Variants in ABCA4 observed in about 807,000 individuals in gnomAD.
ABCA4 encodes the protein retinal-specific phospholipid-transporting ATPase ABCA4.
A neutral mutation model predicts 263.7 loss-of-function variants in ABCA4; 196 were observed. The ratio of observed to expected loss-of-function variants is 0.74; its 90% CI spans 0.66 to 0.84. ABCA4 has a LOEUF of 0.84. Among genes scored for constraint, ABCA4 ranks in the 40% least tolerant of loss-of-function variants. The probability of loss-of-function intolerance (pLI) is 0.00; values close to 1 mark genes in which losing one functional copy is unlikely to be tolerated. For synonymous variants in ABCA4, 1,133 were observed against 1,094.2 expected, an observed-to-expected ratio of 1.04 and a Z score of -0.70; for missense variants, 2,792 against 2,855.1, an observed-to-expected ratio of 0.98 and a Z score of 0.50.
chr1:94,077,382 G>C (rs189856812), intron 11 of ABCA4, among the ~76,000 whole-genome samples: 6 of 152,266 alleles, frequency 3.9e-5, no homozygotes, highest in Admixed American at 6.5e-5. Flanking sequence ...GCCATAGATG[G>C]CCACTCAAGC....
intron 11 of ABCA4, among the ~76,000 whole-genome samples, chr1:94,063,708 G>C (rs764178847): frequency 6.6e-6 from 1 of 151,606 alleles, no homozygotes; most frequent in African/African-American, 2.4e-5. Context: ...AAAGCCTGAC[G>C]ATTAAAGAGC....
At chr1:94,020,285 C>T (rs769741148) in intron 35 of ABCA4, among the ~76,000 whole-genome samples, 47 of 152,270 alleles carry the variant, frequency 3.1e-4, no homozygotes, top group Middle Eastern at 3.4e-3. Flanking sequence ...TTTATTCTTT[C>T]CTCGGACAAA....
intron 30 of ABCA4, among the ~76,000 whole-genome samples, chr1:94,028,703 T>A (rs1660102784): frequency 6.6e-6 from 1 of 151,802 alleles, no homozygotes; most frequent in Non-Finnish European, 1.5e-5. Flanking sequence ...GGCCAGGAGT[T>A]CAACACCAGC....
At chr1:94,029,693 A>ACAATTTCT in intron 29 of ABCA4, 62 bp from the exon 30 acceptor site, 2 of 1,513,542 alleles carry the variant, frequency 1.3e-6, no homozygotes, top group Non-Finnish European at 1.8e-6. Context: ...ATCCCTAGGC[A>ACAATTTCT]TAAGAAATTG....
At chr1:94,075,922 G>C (rs1017104298) in intron 11 of ABCA4, among the ~76,000 whole-genome samples, 1 of 152,220 alleles carries the variant, frequency 6.6e-6, no homozygotes, top group Non-Finnish European at 1.5e-5. Context: ...AGGGGTCTGA[G>C]AGAGGTGTGA....
At chr1:94,080,953 A>G (rs549364088) in intron 7 of ABCA4, among the ~76,000 whole-genome samples, 1 of 152,168 alleles carries the variant, frequency 6.6e-6, no homozygotes, top group African/African-American at 2.4e-5. Context: ...GGCCGGGCGC[A>G]GTGGCTCATG....
At chr1:94,046,473 A>AAAAGAAAG (rs1381778707) in intron 19 of ABCA4, among the ~76,000 whole-genome samples, 5 of 120,848 alleles carry the variant, frequency 4.1e-5, no homozygotes, top group East Asian at 2.3e-4. Flanking sequence ...AAAAAAAAAA[A>AAAAGAAAG]AAAGAAAAGA....
intron 11 of ABCA4, among the ~76,000 whole-genome samples, chr1:94,065,392 C>A (rs554611214): frequency 6.6e-6 from 1 of 152,162 alleles, no homozygotes; most frequent in Non-Finnish European, 1.5e-5. Flanking sequence ...AATAAAGAAA[C>A]GAGAAAGGCA....
Position 94,040,102 on chromosome 1 carries a change from C to T in ABCA4, c.3548G>A (p.Gly1183Asp). ...GTGGGCTGGACACGTGGTGGAGAAA[C>T]CCTTAGACGAGCAGCTGCAGGTCCC... The part of the protein sequence containing the change: ...SEGTCSCSSK[G>D]FSTTCPAHVD... Residue 1183 changes from glycine (G) to aspartate (D), a missense_variant, in exon 24 of 50, where the codon GGT becomes GAT. By Grantham distance (94) the Gly-to-Asp change is moderately conservative. Transcript: ENST00000370225. 1 of 1,609,968 alleles carries T rather than the reference C, an allele frequency of 6.2e-7. No homozygotes were observed. Among genetic ancestry groups the T allele is most frequent in the Non-Finnish European group, 8.5e-7 (1 of 1,177,974 alleles).
intron 30 of ABCA4, among the ~76,000 whole-genome samples, chr1:94,025,312 A>G (rs1297340580): frequency 1.3e-5 from 2 of 152,130 alleles, no homozygotes; most frequent in African/African-American, 2.4e-5. Flanking sequence ...TCCAGCTCCA[A>G]TACTGCCACG....
chr1:94,042,649 T>C lies in ABCA4; in HGVS notation c.3328+112A>G. On this transcript the variant is annotated intron_variant, in intron 22 of 49. Coordinates refer to ENST00000370225, the MANE Select transcript of ABCA4 (RefSeq NM_000350.3). Reference sequence around the variant, plus strand: ...AGTCACTGATAAACCCCCTTCTGAGTGTAGTCATTGTGGTTCCTGTACTCA... The same window carrying C: ...AGTCACTGATAAACCCCCTTCTGAGCGTAGTCATTGTGGTTCCTGTACTCA... The C allele has an allele frequency of 2.1e-6, 3 of 1,430,592 alleles. No homozygotes were observed. In the South Asian group the frequency reaches 3.5e-5, roughly 17 times the overall value. The allele number at this position is 1,430,592 out of a possible 1,614,324, so 88.6% of individuals were successfully genotyped here.
At chr1:94,093,992 T>A (rs1662047346) in intron 6 of ABCA4, among the ~76,000 whole-genome samples, 2 of 152,182 alleles carry the variant, frequency 1.3e-5, no homozygotes, top group Non-Finnish European at 2.9e-5. Flanking sequence ...GCCCTGCTGT[T>A]CCCTGGTACT....
intron 5 of ABCA4, among the ~76,000 whole-genome samples, chr1:94,099,809 C>T (rs1365640966): frequency 6.6e-6 from 1 of 152,228 alleles, no homozygotes; most frequent in East Asian, 1.9e-4. Flanking sequence ...TCTATCTTGT[C>T]TGCAGGCCCT....
At chr1:94,075,265 G>C (rs1172427448) in intron 11 of ABCA4, among the ~76,000 whole-genome samples, 1 of 151,954 alleles carries the variant, frequency 6.6e-6, no homozygotes, top group East Asian at 1.9e-4. Flanking sequence ...AACCACCATG[G>C]CACACATATA....
At chr1:94,025,371 G>A (rs914479169) in intron 30 of ABCA4, among the ~76,000 whole-genome samples, 1 of 152,056 alleles carries the variant, frequency 6.6e-6, no homozygotes. Context: ...ACATGGGTCT[G>A]CCTGATTCTG....
At chr1:94,043,066 G>C (rs1407840741) in intron 21 of ABCA4, among the ~76,000 whole-genome samples, 168 bp from the exon 22 acceptor site, 1 of 152,196 alleles carries the variant, frequency 6.6e-6, no homozygotes, top group Non-Finnish European at 1.5e-5. Context: ...CTTTGTAAAT[G>C]CAGAAAGGGC....
chr1:94,010,778 C>T, intron 40 of ABCA4, 22 bp downstream of exon 40: 1 of 1,614,050 alleles, frequency 6.2e-7, no homozygotes, highest in Non-Finnish European at 8.5e-7. Flanking sequence ...GCCCACTGGC[C>T]CAGGGTGTGG....
chr1:94,092,723 T>C (rs1365667979), intron 6 of ABCA4, among the ~76,000 whole-genome samples: 1 of 152,112 alleles, frequency 6.6e-6, no homozygotes, highest in Non-Finnish European at 1.5e-5. Context: ...TCCGTCCCAG[T>C]ATCTGTGGTT....
At chr1:94,075,595 C>T (rs998499832) in intron 11 of ABCA4, among the ~76,000 whole-genome samples, 1 of 152,152 alleles carries the variant, frequency 6.6e-6, no homozygotes, top group Admixed American at 6.5e-5. Flanking sequence ...ACAGATAGAA[C>T]GAGGCTTTTC....
Sources: gnomAD v4.1 joint callset for allele counts (sites outside exome capture counted in the v4.1 genomes callset) on GRCh38, gnomAD v4.1.1 for gene constraint, MANE v1.5 for transcripts, NCBI Gene and HGNC (gene_info 2026-07-23, HGNC 2026-07-21) for gene names.